TNPO2: variants seen among roughly 807,000 people sequenced by gnomAD.
TNPO2 encodes transportin 2.
TNPO2 carries 16 observed loss-of-function variants against 111.1 expected under a neutral mutation model. That is an observed-to-expected ratio of 0.14 (90% CI 0.10 to 0.22). TNPO2 has a LOEUF of 0.22. Among genes scored for constraint, TNPO2 ranks in the 10% least tolerant of loss-of-function variants. The pLI, the probability that TNPO2 is intolerant of heterozygous loss-of-function variation, is 1.00. For synonymous variants in TNPO2, 481 were observed against 475.8 expected (o/e 1.01, Z -0.14); for missense variants, 530 against 1,173.7 (o/e 0.45, Z 8.01).
At chr19:12,718,424 C>A (rs995717894) in intron 5 of TNPO2, among the ~76,000 whole-genome samples, 1 of 152,130 alleles carries the variant, frequency 6.6e-6, no homozygotes, top group Middle Eastern at 3.2e-3. Context: ...CTCAGCCTCC[C>A]AAAATGCTGG....
chr19:12,710,597 G>T, intron 13 of TNPO2, 24 bp downstream of exon 13: 1 of 1,610,260 alleles, frequency 6.2e-7, no homozygotes, highest in Middle Eastern at 1.7e-4. Flanking sequence ...GCCAGCACAG[G>T]GCTCAGAGAT....
Position 12,705,714 on chromosome 19 carries a change from C to A in TNPO2, c.1723G>T (p.Asp575Tyr). ...PLIQKWNELK[D>Y]EDKDLFPLLE... The stretch of plus-strand genomic sequence containing the variant: ...AGGGGGAAGAGGTCCTTGTCTTCGT[C>A]CTTGAGCTCATTCCACTTCTGGATC... Residue 575 changes from aspartate to tyrosine, a missense_variant, in exon 16 of 26, where the codon GAC becomes TAC. Physicochemically the swap from Asp to Tyr is radical, Grantham distance 160. Around this residue, in one of 4 missense-constraint regions of TNPO2, gnomAD observed 183 missense variants for 481.0 expected, o/e 0.38. Coordinates refer to ENST00000425528, the MANE Select transcript of TNPO2 (RefSeq NM_001382241.1). The surrounding 1 kb of genome is among the most constrained non-coding windows in gnomAD (Gnocchi z 7.2). 1 of 1,496,254 alleles carries A rather than the reference C, an allele frequency of 6.7e-7. No individual in the cohort carries two copies. The highest frequency in any genetic ancestry group is 8.9e-7 in the Non-Finnish European group (1 of 1,118,182). 92.7% of individuals were successfully genotyped at this position (1,496,254 alleles called of 1,614,324 possible). A position where few individuals can be genotyped will look rare whatever the true frequency, so the allele number is the denominator to read the frequency against.
chr19:12,708,623 C>A (rs2025846480), intron 13 of TNPO2, among the ~76,000 whole-genome samples: 1 of 148,304 alleles, frequency 6.7e-6, no homozygotes, highest in Non-Finnish European at 1.5e-5. Flanking sequence ...TCCCAGCACT[C>A]TGGGAAGCTG....
At position 12,715,458 on chromosome 19, in the gene TNPO2, G is replaced by A. The variant is rs2026310556; in HGVS notation, c.513C>T (p.Asn171=). 5.6e-6 allele frequency: 9 copies of A among 1,613,846 alleles called. No homozygotes were observed. The highest frequency in any genetic ancestry group is 7.6e-6 in the Non-Finnish European group (9 of 1,179,880). ...LDSDALNRPL[N]IMIPKFLQFF... Reference sequence around the variant, plus strand: ...ACTGCAGGAACTTGGGGATCATGATGTTGAGGGGCCTGTTGAGGGCGTCAC... The same window carrying A: ...ACTGCAGGAACTTGGGGATCATGATATTGAGGGGCCTGTTGAGGGCGTCAC... Residue 171 remains asparagine, a synonymous_variant, in exon 7 of 26, where the codon AAC becomes AAT. Coordinates refer to ENST00000425528, the MANE Select transcript of TNPO2 (RefSeq NM_001382241.1). This position sits in a 1 kb window ranked among gnomAD's most constrained non-coding sequence, Gnocchi z 7.1.
chr19:12,718,550 T>C (rs975889635), intron 5 of TNPO2, among the ~76,000 whole-genome samples: 3 of 152,144 alleles, frequency 2.0e-5, no homozygotes. Context: ...GTGATTTGCC[T>C]ACCCTGACCT....
rs2025582808 is a variant in TNPO2 at position 12,705,378 on chromosome 19, C to T, written c.1884G>A (p.Glu628=). 2 of 1,586,176 alleles carry T rather than the reference C, an allele frequency of 1.3e-6. No homozygotes were observed. Among genetic ancestry groups the T allele is most frequent in the Non-Finnish European group, 1.7e-6 (2 of 1,166,476 alleles). ...AQAMMYTQHP[E]QYEAPDKDFM... Reference sequence around the variant, plus strand: ...AGTCCTTGTCGGGAGCCTCATACTGCTCAGGGTGCTGGGTGTACATCTAGA... The same window carrying T: ...AGTCCTTGTCGGGAGCCTCATACTGTTCAGGGTGCTGGGTGTACATCTAGA... Residue 628 remains glutamate, a synonymous_variant, in exon 18 of 26, where the codon GAG becomes GAA. Transcript: ENST00000425528. This position sits in a 1 kb window ranked among gnomAD's most constrained non-coding sequence, Gnocchi z 7.2.
In TNPO2 at chr19:12,702,113, G is replaced by A. The variant is rs753038373; in HGVS notation, c.2370C>T (p.Pro790=). 2 of 1,613,484 alleles carry A rather than the reference G, an allele frequency of 1.2e-6. No individual in the cohort carries two copies. Among genetic ancestry groups the A allele is most frequent in the South Asian group, 1.1e-5 (1 of 91,094 alleles). The change falls in exon 22 of 26, where the codon CCC becomes CCT. Residue 790 remains proline (P), a synonymous_variant. Transcript: ENST00000425528. This position sits in a 1 kb window ranked among gnomAD's most constrained non-coding sequence, Gnocchi z 5.5. ...GCTGCAGCATGGGTGCCACCTCCTG[G>A]GGGCACACGTAGCCCAAGCGGCCGA... ...ITIGRLGYVC[P]QEVAPMLQQF...
chr19:12,722,777 A>G (rs1967090556), intron 2 of TNPO2, among the ~76,000 whole-genome samples: 1 of 151,876 alleles, frequency 6.6e-6, no homozygotes, highest in Non-Finnish European at 1.5e-5. Flanking sequence ...TGGCCTCTCT[A>G]GCCAGCCGGT....
rs1190488377 is a variant in TNPO2 at position 12,722,418 on chromosome 19, G to A, written c.-14+831C>T. The A allele has an allele frequency of 2.6e-5, 4 of 151,082 alleles. No homozygotes were observed. The East Asian group carries it at 5.9e-4, about 22-fold the overall frequency. The allele number at this position is 151,082 out of a possible 1,614,324, so 9.4% of individuals were successfully genotyped here. ...CGCGCGCGGCGCAGGCTCGGTGCCC[G>A]GCGGGGGTCGACGCAAGCCGGGGCC... On this transcript the variant is annotated intron_variant, in intron 2 of 25. Transcript: ENST00000425528.
Position 12,721,182 on chromosome 19 carries a change from G to A in TNPO2, c.-13-192C>T. On this transcript the variant is annotated intron_variant, in intron 2 of 25. Coordinates refer to ENST00000425528, the MANE Select transcript of TNPO2 (RefSeq NM_001382241.1). The surrounding 1 kb of genome is among the most constrained non-coding windows in gnomAD (Gnocchi z 4.9). ...GCCATCCTCGGCCGCGCAGTCGCGGGCTCGGGAGCGCGGGAGGGGGGATGT... is the reference window on the plus strand; with the variant it reads ...GCCATCCTCGGCCGCGCAGTCGCGGACTCGGGAGCGCGGGAGGGGGGATGT... The A allele has an allele frequency of 7.2e-7, 1 of 1,390,790 alleles. No homozygotes were observed. The highest frequency in any genetic ancestry group is 9.3e-7 in the Non-Finnish European group (1 of 1,079,818). 86.2% of individuals were successfully genotyped at this position (1,390,790 alleles called of 1,614,324 possible).
Position 12,702,130 on chromosome 19 carries a change from A to T in TNPO2, c.2353T>A (p.Leu785Met). 1 of 1,613,536 alleles carries T rather than the reference A, an allele frequency of 6.2e-7. No homozygotes were observed. The highest frequency in any genetic ancestry group is 8.5e-7 in the Non-Finnish European group (1 of 1,179,794). The change falls in exon 22 of 26, where the codon TTG (leucine) becomes ATG (methionine). Residue 785 changes from leucine (L) to methionine (M), a missense_variant. Coordinates refer to ENST00000425528, the MANE Select transcript of TNPO2 (RefSeq NM_001382241.1). The surrounding 1 kb of genome is among the most constrained non-coding windows in gnomAD (Gnocchi z 5.5). ...SAIPAITIGR[L>M]GYVCPQEVAP... ...ACCTCCTGGGGGCACACGTAGCCCA[A>T]GCGGCCGATGGTGATGGCTGGAATG...
rs117760109 is a variant in TNPO2 at position 12,713,030 on chromosome 19, C to T, written c.891-1417G>A. Among the ~76,000 whole-genome samples the T allele has an allele frequency of 1.1e-3, 163 of 152,262 alleles. 2 individuals are homozygous for T. In the East Asian group the frequency reaches 0.017, roughly 16 times the overall value. ...CCTCCCAAAGTGCTAGGATTATAGG[C>T]GTGAGCCATGGCACTCAGCCTGCAG... On this transcript the variant is annotated intron_variant, in intron 10 of 25. Coordinates refer to ENST00000425528, the MANE Select transcript of TNPO2 (RefSeq NM_001382241.1).
In TNPO2 at chr19:12,701,661, G is replaced by A. The variant is rs767175889; in HGVS notation, c.2523C>T (p.Phe841=). The A allele has an allele frequency of 6.2e-7, 1 of 1,613,858 alleles. No individual in the cohort carries two copies. The highest frequency in any genetic ancestry group is 1.1e-5 in the South Asian group (1 of 91,080). ...NPGGVVQDFI[F]FCDAVASWVS... is the part of the protein sequence containing the mutation. ...CCCAGGAGGCTACAGCATCGCAGAA[G>A]AAAATAAAGTCCTGAAACGTGACGG... The change falls in exon 24 of 26, where the codon TTC becomes TTT. Residue 841 remains phenylalanine (F), a synonymous_variant. Coordinates refer to ENST00000425528, the MANE Select transcript of TNPO2 (RefSeq NM_001382241.1). The surrounding 1 kb of genome is among the most constrained non-coding windows in gnomAD (Gnocchi z 5.0).
chr19:12,706,001 A>G lies in TNPO2; in HGVS notation c.1668+195T>C. On this transcript the variant is annotated intron_variant, in intron 15 of 25. Coordinates refer to ENST00000425528, the MANE Select transcript of TNPO2 (RefSeq NM_001382241.1). The surrounding 1 kb of genome is among the most constrained non-coding windows in gnomAD (Gnocchi z 7.0). ...TACCACCTCCTGGTTCCCGAAGCACAGCACTTACCACGCTGTCTCATAACT... is the reference window on the plus strand; with the variant it reads ...TACCACCTCCTGGTTCCCGAAGCACGGCACTTACCACGCTGTCTCATAACT... The G allele has an allele frequency of 1.5e-6, 1 of 672,892 alleles. No homozygotes were observed. Among genetic ancestry groups the G allele is most frequent in the Non-Finnish European group, 2.4e-6 (1 of 412,992 alleles). The allele number at this position is 672,892 out of a possible 1,614,324, so 41.7% of individuals were successfully genotyped here.
chr19:12,711,327 A>G lies in TNPO2; in HGVS notation c.1086T>C (p.Asp362=), dbSNP rs372887138. 5 of 1,613,912 alleles carry G rather than the reference A, an allele frequency of 3.1e-6. No homozygotes were observed. The East Asian group carries it at 1.1e-4, about 36-fold the overall frequency. The change falls in exon 12 of 26, where the codon GAT becomes GAC. Residue 362 remains aspartate (D), a synonymous_variant. Coordinates refer to ENST00000425528, the MANE Select transcript of TNPO2 (RefSeq NM_001382241.1). The stretch of plus-strand genomic sequence containing the variant: ...TCCAGTCGGACAGAGCATCATCATC[A>G]TCGTCATCCTCCGCGTCCTCGGAGC... ...PDGSEDAEDD[D]DDDALSDWNL... is the part of the protein sequence containing the mutation.
At position 12,715,471 on chromosome 19, in the gene TNPO2, T is replaced by C. The variant is rs2026311386; in HGVS notation, c.500A>G (p.Asn167Ser). The part of the protein sequence containing the change: ...SSELLDSDAL[N>S]RPLNIMIPKF... ...GGGGATCATGATGTTGAGGGGCCTG[T>C]TGAGGGCGTCACTGTCCAGAAGCTC... The change falls in exon 7 of 26, where the codon AAC becomes AGC. Residue 167 changes from asparagine (N) to serine (S), a missense_variant. Physicochemically the swap from Asn to Ser is conservative, Grantham distance 46. This residue lies in a region of TNPO2 where 156 missense variants were observed against 405.8 expected (regional missense o/e 0.38). Transcript: ENST00000425528. The surrounding 1 kb of genome is among the most constrained non-coding windows in gnomAD (Gnocchi z 7.1). The C allele has an allele frequency of 1.2e-6, 2 of 1,613,778 alleles. No homozygotes were observed. The highest frequency in any genetic ancestry group is 1.7e-6 in the Non-Finnish European group (2 of 1,179,864).
At position 12,706,439 on chromosome 19, in the gene TNPO2, G is replaced by A; in HGVS notation, c.1497-72C>T. ...TGACACTGGGCCATGGGCAGTTGGG[G>A]AGGGCAACTCAGGATCAGCCAGTAC... is the stretch of plus-strand genomic sequence containing the variant. On this transcript the variant is annotated intron_variant, in intron 14 of 25. Transcript: ENST00000425528. The surrounding 1 kb of genome is among the most constrained non-coding windows in gnomAD (Gnocchi z 7.0). The A allele has an allele frequency of 6.3e-7, 1 of 1,595,880 alleles. No homozygotes were observed. The highest frequency in any genetic ancestry group is 1.1e-5 in the South Asian group (1 of 90,674).
intron 12 of TNPO2, 34 bp downstream of exon 12, chr19:12,711,262 C>A (rs985505322): frequency 3.7e-6 from 6 of 1,603,176 alleles, no homozygotes; most frequent in Non-Finnish European, 5.1e-6. Context: ...CAGGGCTTGC[C>A]ACCCCACCAC....
chr19:12,716,410 G>C (rs951206298), intron 5 of TNPO2, among the ~76,000 whole-genome samples: 1 of 152,168 alleles, frequency 6.6e-6, no homozygotes, highest in Non-Finnish European at 1.5e-5. Flanking sequence ...TGGATCACTT[G>C]AGGTCAGGAG....
Sources: gnomAD v4.1 joint callset for allele counts (sites outside exome capture counted in the v4.1 genomes callset) on GRCh38, gnomAD v4.1.1 for gene constraint, gnomAD v4.1.1 regional missense constraint, Gnocchi (gnomAD v3.1) non-coding constraint, MANE v1.5 for transcripts, NCBI Gene and HGNC (gene_info 2026-07-23, HGNC 2026-07-21) for gene names.